NRG1: variants seen among roughly 807,000 people sequenced by gnomAD.
NRG1 encodes the protein neuregulin 1, also known as pro-neuregulin-1, membrane-bound isoform.
A neutral mutation model predicts 63.8 loss-of-function variants in NRG1; 18 were observed. The ratio of observed to expected loss-of-function variants is 0.28; its 90% CI spans 0.19 to 0.42. The LOEUF (loss-of-function observed/expected upper bound fraction) is 0.42. Among genes scored for constraint, NRG1 ranks in the 10% least tolerant of loss-of-function variants. The probability of loss-of-function intolerance (pLI) is 1.00; values close to 1 mark genes in which losing one functional copy is unlikely to be tolerated. For missense variants in NRG1, 762 were observed against 814.7 expected (o/e 0.94, Z 0.79); for synonymous variants, 302 against 301.3 (o/e 1.00, Z -0.02).
intron 1 of NRG1, among the ~76,000 whole-genome samples, chr8:32,224,288 A>T (rs1846110039): frequency 6.6e-6 from 1 of 152,114 alleles, no homozygotes; most frequent in Non-Finnish European, 1.5e-5. Context: ...TCGCAGGATG[A>T]TCCTGTACTC....
chr8:32,410,328 A>T (rs1006205008), intron 1 of NRG1, among the ~76,000 whole-genome samples: 1 of 151,634 alleles, frequency 6.6e-6, no homozygotes, highest in Non-Finnish European at 1.5e-5. Context: ...CTACAGGTAC[A>T]TGCCACCATG....
chr8:32,012,397 G>GGA, intron 1 of NRG1, among the ~76,000 whole-genome samples: 1 of 152,188 alleles, frequency 6.6e-6, no homozygotes, highest in Admixed American at 6.5e-5. Flanking sequence ...TGACATCAAG[G>GGA]GAGAGGGTAG....
At chr8:31,830,518 T>C (rs1224388571) in intron 1 of NRG1, among the ~76,000 whole-genome samples, 1 of 152,188 alleles carries the variant, frequency 6.6e-6, no homozygotes, top group Non-Finnish European at 1.5e-5. Flanking sequence ...CCAGTGAAGA[T>C]GACAGTTTGG....
Position 31,805,958 on chromosome 8 carries a change from A to T in NRG1, c.37+166527A>T, listed in dbSNP as rs139907258. Among the ~76,000 whole-genome samples, 964 of 152,318 alleles carry T rather than the reference A, an allele frequency of 6.3e-3. 5 individuals are homozygous for T. Among genetic ancestry groups the T allele is most frequent in the Non-Finnish European group, 8.1e-3 (548 of 68,020 alleles). Reference sequence around the variant, plus strand: ...CTGACTGAAAATATTTAAATGAAATACACATAATCACTTTGCCACCTAATG... The same window carrying T: ...CTGACTGAAAATATTTAAATGAAATTCACATAATCACTTTGCCACCTAATG... On this transcript the variant is annotated intron_variant, in intron 1 of 10. Transcript: ENST00000519301.
At chr8:32,533,914 G>A (rs1831703641) in intron 1 of NRG1, among the ~76,000 whole-genome samples, 1 of 151,970 alleles carries the variant, frequency 6.6e-6, no homozygotes, top group Non-Finnish European at 1.5e-5. Context: ...TCATTATAAG[G>A]CAGAAAGGTT....
chr8:31,933,791 A>G (rs1212923883), intron 1 of NRG1, among the ~76,000 whole-genome samples: 1 of 152,210 alleles, frequency 6.6e-6, no homozygotes, highest in East Asian at 1.9e-4. Flanking sequence ...GATTCAATTT[A>G]CATATAGCTT....
In NRG1 at chr8:32,291,744, C is replaced by T. The variant is rs544208627; in HGVS notation, c.38-304084C>T. Among the ~76,000 whole-genome samples, 242 of 151,972 alleles carry T rather than the reference C, an allele frequency of 1.6e-3. 1 individual carries two copies. The highest frequency in any genetic ancestry group is 2.8e-3 in the Non-Finnish European group (191 of 67,936). On this transcript the variant is annotated intron_variant, in intron 1 of 10. Transcript: ENST00000519301. ...ATTTTTAGTAGAAATGGGGTTTCAC[C>T]ATGTTGGCCAGGCTGGTCTTGAGCT...
intron 1 of NRG1, among the ~76,000 whole-genome samples, chr8:32,476,405 A>G (rs1433713571): frequency 2.0e-5 from 3 of 152,252 alleles, no homozygotes; most frequent in African/African-American, 7.2e-5. Context: ...GGCATCAAGA[A>G]TACAATGGAT....
At chr8:32,640,144 A>G (rs559762852) in intron 5 of NRG1, among the ~76,000 whole-genome samples, 28 of 152,204 alleles carry the variant, frequency 1.8e-4, no homozygotes, top group Non-Finnish European at 3.2e-4. Context: ...AGCTAAGCCA[A>G]TATGTATTGC....
intron 1 of NRG1, among the ~76,000 whole-genome samples, chr8:31,814,580 C>T (rs1302703919): frequency 6.6e-6 from 1 of 151,726 alleles, no homozygotes; most frequent in African/African-American, 2.4e-5. Flanking sequence ...TGATTGTTCA[C>T]TGGGAATATT....
chr8:31,974,415 C>T (rs1432248383), intron 1 of NRG1, among the ~76,000 whole-genome samples: 1 of 152,172 alleles, frequency 6.6e-6, no homozygotes, highest in African/African-American at 2.4e-5. Flanking sequence ...AGTGATCCTC[C>T]TCCCACCTGG....
At chr8:32,404,008 A>ACCATGCACCT (rs1563415969) in intron 1 of NRG1, among the ~76,000 whole-genome samples, 1 of 152,206 alleles carries the variant, frequency 6.6e-6, no homozygotes, top group East Asian at 1.9e-4. Flanking sequence ...TATATGCATT[A>ACCATGCACCT]CCATGCACCT....
In NRG1 at chr8:31,783,811, C is replaced by T. The variant is rs138337832; in HGVS notation, c.37+144380C>T. The stretch of plus-strand genomic sequence containing the variant: ...AGGGCTTAGCCAAATTCTAGAAGGC[C>T]TCGCATGGTATGGTATCACGATCCT... On this transcript the variant is annotated intron_variant, in intron 1 of 10. Transcript: ENST00000519301. Among the ~76,000 whole-genome samples the T allele has an allele frequency of 4.1e-3, 625 of 152,192 alleles. 4 individuals carry two copies. The highest frequency in any genetic ancestry group is 0.031 in the Middle Eastern group (9 of 294).
chr8:31,880,191 A>C (rs1830241474), intron 1 of NRG1, among the ~76,000 whole-genome samples: 1 of 152,206 alleles, frequency 6.6e-6, no homozygotes, highest in African/African-American at 2.4e-5. Flanking sequence ...AGAGCATTTA[A>C]GAGTCAAATG....
chr8:32,336,925 A>G (rs992639448), intron 1 of NRG1, among the ~76,000 whole-genome samples: 1 of 152,020 alleles, frequency 6.6e-6, no homozygotes, highest in Non-Finnish European at 1.5e-5. Context: ...TGGACATTTT[A>G]TTCTACATAC....
chr8:32,594,188 G>C (rs770843532), intron 1 of NRG1, among the ~76,000 whole-genome samples: 1 of 152,184 alleles, frequency 6.6e-6, no homozygotes, highest in Non-Finnish European at 1.5e-5. Flanking sequence ...TCCATTTCCT[G>C]TTCATGGTTA....
chr8:32,092,376 G>C (rs922669645), intron 1 of NRG1, among the ~76,000 whole-genome samples: 2 of 148,578 alleles, frequency 1.3e-5, no homozygotes, highest in Non-Finnish European at 3.0e-5. Flanking sequence ...AGGATTGCTT[G>C]AGCCCAAGAG....
intron 1 of NRG1, among the ~76,000 whole-genome samples, chr8:31,911,892 C>T (rs1434627450): frequency 6.6e-6 from 1 of 152,084 alleles, no homozygotes; most frequent in Non-Finnish European, 1.5e-5. Context: ...CTGTGACATC[C>T]AATTTTTCTA....
At chr8:32,764,665 A>C in exon 12 of NRG1, 1 of 276,188 alleles carries the variant, frequency 3.6e-6, no homozygotes, top group South Asian at 8.9e-5. Flanking sequence ...AGTTACAGTG[A>C]TTGCTTTTCC....
Sources: allele counts gnomAD v4.1 joint callset (sites outside exome capture counted in the v4.1 genomes callset), GRCh38; gene constraint gnomAD v4.1.1; transcripts MANE v1.5; gene names NCBI Gene and HGNC (gene_info 2026-07-23, HGNC 2026-07-21).